The following NEBL variants were observed in gnomAD, a reference collection of about 807,000 sequenced individuals.
NEBL encodes nebulette.
In NEBL, 122 loss-of-function variants were observed where a neutral mutation model predicts 140.2. The observed-to-expected ratio is 0.87, with a 90% CI of 0.75 to 1.01. The LOEUF is 1.01. Among genes scored for constraint, NEBL ranks in the 50% least tolerant of loss-of-function variants. The pLI, the probability that NEBL is intolerant of heterozygous loss-of-function variation, is 0.00. For synonymous variants in NEBL, 436 were observed against 398.9 expected (o/e 1.09, Z -1.11); for missense variants, 1,365 against 1,231.3 (o/e 1.11, Z -1.62).
At chr10:21,060,679 A>G (rs1456150112) in intron 2 of NEBL, among the ~76,000 whole-genome samples, 2 of 151,972 alleles carry the variant, frequency 1.3e-5, no homozygotes, top group African/African-American at 4.8e-5. Flanking sequence ...AACTCTTCAA[A>G]AACCTCTCTA....
intron 2 of NEBL, among the ~76,000 whole-genome samples, chr10:21,060,015 G>C (rs923893295): frequency 6.6e-6 from 1 of 152,122 alleles, no homozygotes; most frequent in Non-Finnish European, 1.5e-5. Flanking sequence ...ACAGCCTTTG[G>C]GTTCTGCCAA....
chr10:20,932,745 C>T (rs1164016074), intron 4 of NEBL, among the ~76,000 whole-genome samples: 1 of 152,206 alleles, frequency 6.6e-6, no homozygotes, highest in Admixed American at 6.5e-5. Flanking sequence ...TTTGTCGATA[C>T]TAATCGTTGT....
At chr10:21,020,087 A>G in intron 3 of NEBL, 1 of 1,579,772 alleles carries the variant, frequency 6.3e-7, no homozygotes, top group Non-Finnish European at 8.7e-7. Context: ...TTTAGGGCCA[A>G]GGGAACAAAA....
At chr10:21,048,698 C>G (rs996979626) in intron 2 of NEBL, among the ~76,000 whole-genome samples, 5 of 151,892 alleles carry the variant, frequency 3.3e-5, no homozygotes, top group African/African-American at 1.2e-4. Context: ...ATTGCAAATT[C>G]GAGTCTAAAG....
intron 9 of NEBL, among the ~76,000 whole-genome samples, chr10:20,854,264 G>T (rs1319051564): frequency 2.0e-5 from 3 of 152,092 alleles, no homozygotes; most frequent in African/African-American, 7.2e-5. Flanking sequence ...ATTTGAAAGG[G>T]AGCGGGAAAG....
chr10:21,111,776 AG>A (rs1838023972), intron 2 of NEBL, among the ~76,000 whole-genome samples: 1 of 151,582 alleles, frequency 6.6e-6, no homozygotes, highest in African/African-American at 2.4e-5. Context: ...GCACAGCAAA[AG>A]AAACTATCAT....
At chr10:21,288,205 A>T (rs185764719) in intron 1 of NEBL, among the ~76,000 whole-genome samples, 1 of 152,168 alleles carries the variant, frequency 6.6e-6, no homozygotes, top group Non-Finnish European at 1.5e-5. Flanking sequence ...CATGGTGGCT[A>T]ACACCTGTAA....
At chr10:20,867,341 A>G (rs1474100633) in intron 7 of NEBL, among the ~76,000 whole-genome samples, 3 of 152,152 alleles carry the variant, frequency 2.0e-5, no homozygotes, top group Non-Finnish European at 2.9e-5. Context: ...ATGCTCTTCA[A>G]TCAGACTTCA....
chr10:20,850,300 C>G, intron 11 of NEBL, 95 bp downstream of exon 11: 1 of 1,017,132 alleles, frequency 9.8e-7, no homozygotes, highest in East Asian at 2.4e-5. Context: ...CACAGCAGCA[C>G]TCTTCCTTCC....
chr10:21,061,109 G>GTGTCCTCATAAAAAGGGGAGCA (rs1326552030), intron 2 of NEBL, among the ~76,000 whole-genome samples: 3 of 151,734 alleles, frequency 2.0e-5, no homozygotes, highest in African/African-American at 7.3e-5. Context: ...AATACAACTG[G>GTGTCCTCATAAAAAGGGGAGCA]TGTCCTCATA....
At chr10:20,985,176 GC>G (rs1837208658) in intron 3 of NEBL, among the ~76,000 whole-genome samples, 1 of 152,120 alleles carries the variant, frequency 6.6e-6, no homozygotes, top group African/African-American at 2.4e-5. Flanking sequence ...ACCATCCTGT[GC>G]CCCATCCATG....
chr10:21,245,753 A>T (rs1842508470), intron 3 of NEBL, among the ~76,000 whole-genome samples: 1 of 151,322 alleles, frequency 6.6e-6, no homozygotes, highest in African/African-American at 2.4e-5. Flanking sequence ...CCCAGGCTGG[A>T]GGTGCAATCT....
At chr10:21,150,234 C>T (rs533018076) in intron 2 of NEBL, among the ~76,000 whole-genome samples, 16 of 152,286 alleles carry the variant, frequency 1.1e-4, no homozygotes, top group African/African-American at 1.7e-4. Context: ...CATTTATGTG[C>T]GGCTTGCATC....
intron 2 of NEBL, among the ~76,000 whole-genome samples, chr10:21,149,434 G>A (rs934692752): frequency 5.3e-5 from 8 of 152,230 alleles, no homozygotes; most frequent in African/African-American, 1.9e-4. Flanking sequence ...GGGACTACAG[G>A]TGCCTGCCAC....
chr10:20,887,776 T>C (rs1276603133), intron 4 of NEBL, among the ~76,000 whole-genome samples: 2 of 152,216 alleles, frequency 1.3e-5, no homozygotes, highest in Non-Finnish European at 1.5e-5. Context: ...TTAGGGATCA[T>C]ATATCAAATT....
At chr10:21,187,508 TTTATTA>T (rs200818307) in intron 3 of NEBL, among the ~76,000 whole-genome samples, 2 of 150,110 alleles carry the variant, frequency 1.3e-5, no homozygotes, top group African/African-American at 4.9e-5. Context: ...ACTATTATTA[TTTATTA>T]TTATTATTAT....
rs545106106 is a variant in NEBL at position 20,982,382 on chromosome 10, C to A, written c.250-20603G>T. On this transcript the variant is annotated intron_variant, in intron 3 of 6. Coordinates refer to the NEBL transcript ENST00000417816. ...GTATCCTATTTTTTTATTTGTTGAA[C>A]TTGAGCAAGAATTCTTTTTCTAGAA... 5.3e-5 allele frequency among the ~76,000 whole-genome samples: 8 copies of A among 151,800 alleles called. No homozygotes were observed. In the South Asian group the frequency reaches 1.5e-3, roughly 28 times the overall value.
chr10:21,027,579 T>A (rs755282347), intron 2 of NEBL, among the ~76,000 whole-genome samples: 2 of 152,074 alleles, frequency 1.3e-5, no homozygotes, highest in Non-Finnish European at 2.9e-5. Context: ...GTCCAATCAA[T>A]TCAGCCTTCC....
intron 22 of NEBL, among the ~76,000 whole-genome samples, chr10:20,815,089 G>C (rs1030446646): frequency 1.3e-5 from 2 of 152,176 alleles, no homozygotes; most frequent in Non-Finnish European, 2.9e-5. Flanking sequence ...ATTCAGAATT[G>C]AAGCCCTGAT....
Sources: gnomAD v4.1 joint callset for allele counts (sites outside exome capture counted in the v4.1 genomes callset) on GRCh38, gnomAD v4.1.1 for gene constraint, MANE v1.5 for transcripts, NCBI Gene and HGNC (gene_info 2026-07-23, HGNC 2026-07-21) for gene names.